Variants in YBX1 observed in about 807,000 individuals in gnomAD.
YBX1 encodes Y-box-binding protein 1.
YBX1 carries 3 observed loss-of-function variants against 41.4 expected under a neutral mutation model. The ratio of observed to expected loss-of-function variants is 0.07; its 90% CI spans 0.03 to 0.19. The LOEUF is 0.19. YBX1 is among the 10% of genes least tolerant of loss of function. YBX1 has a pLI of 1.00. For missense variants in YBX1, 274 were observed against 462.8 expected, an observed-to-expected ratio of 0.59 and a Z score of 3.74; for synonymous variants, 133 against 165.8, an observed-to-expected ratio of 0.80 and a Z score of 1.52.
intron 2 of YBX1, among the ~76,000 whole-genome samples, chr1:42,691,571 C>G (rs1650330399): frequency 6.6e-6 from 1 of 152,098 alleles, no homozygotes; most frequent in Non-Finnish European, 1.5e-5. Flanking sequence ...CCTGTTGTAA[C>G]TACATTAGAA....
In YBX1 at chr1:42,683,449, A is replaced by C. The variant is rs932329753; in HGVS notation, c.213A>C (p.Gly71=). 2 of 1,613,790 alleles carry C rather than the reference A, an allele frequency of 1.2e-6. No individual in the cohort carries two copies. Among genetic ancestry groups the C allele is most frequent in the South Asian group, 2.2e-5 (2 of 91,066 alleles). The change falls in exon 2 of 8, where the codon GGA becomes GGC. Residue 71 remains glycine, a synonymous_variant. Coordinates refer to ENST00000321358, the MANE Select transcript of YBX1 (RefSeq NM_004559.5). The part of the protein sequence containing the change: ...GTVKWFNVRN[G]YGFINRNDTK... ...TAAAATGGTTCAATGTAAGGAACGG[A>C]TATGGTTTCATCAACAGGTGAGCTG... is the stretch of plus-strand genomic sequence containing the variant.
Position 42,700,826 on chromosome 1 carries a change from A to G in YBX1, c.786A>G (p.Glu262=), listed in dbSNP as rs1330316106. The part of the protein sequence containing the change: ...QRQPREDGNE[E]DKENQGDETQ... ...AGCCTAGAGAGGACGGCAATGAAGA[A>G]GATAAAGAAAATCAAGGAGATGAGA... Residue 262 remains glutamate, a synonymous_variant, in exon 7 of 8, where the codon GAA becomes GAG. Coordinates refer to ENST00000321358, the MANE Select transcript of YBX1 (RefSeq NM_004559.5). 6.2e-7 allele frequency: 1 copy of G among 1,612,662 alleles called. No individual in the cohort carries two copies. Among genetic ancestry groups the G allele is most frequent in the Admixed American group, 1.7e-5 (1 of 59,994 alleles).
At chr1:42,683,567 T>A in intron 2 of YBX1, 101 bp downstream of exon 2, 1 of 1,353,112 alleles carries the variant, frequency 7.4e-7, no homozygotes. Flanking sequence ...AGCTCTGTTC[T>A]GAAAGGCGTT....
chr1:42,684,437 C>T (rs889678634), intron 2 of YBX1, among the ~76,000 whole-genome samples: 2 of 152,220 alleles, frequency 1.3e-5, no homozygotes, highest in Non-Finnish European at 2.9e-5. Context: ...CATTGTCTTG[C>T]TTGCTTACTG....
chr1:42,687,528 C>T (rs898833602), intron 2 of YBX1, among the ~76,000 whole-genome samples: 5 of 152,248 alleles, frequency 3.3e-5, no homozygotes, highest in African/African-American at 9.6e-5. Context: ...GTGATCCACC[C>T]GCCTAGGCCT....
rs951005795 is a variant in YBX1, at chr1:42,703,637, G to A, written c.*1688G>A. Among the ~76,000 whole-genome samples, 9 of 152,126 alleles carry A rather than the reference G, an allele frequency of 5.9e-5. No homozygotes were observed. The highest frequency in any genetic ancestry group is 2.0e-4 in the Admixed American group (3 of 15,272). On this transcript the variant is annotated 3_prime_UTR_variant, in exon 8 of 8. Coordinates refer to ENST00000321358, the MANE Select transcript of YBX1 (RefSeq NM_004559.5). ...TAAACTGTTACTTACAACTGCAGAC[G>A]CACACAGTCCCTGACTTAAACAGTG...
chr1:42,692,891 A>C (rs1304419656), intron 2 of YBX1, among the ~76,000 whole-genome samples: 1 of 152,160 alleles, frequency 6.6e-6, no homozygotes, highest in East Asian at 1.9e-4. Flanking sequence ...CTTTTTATAC[A>C]TGGCTCCGTG....
rs1650058516 is a variant in YBX1, at chr1:42,682,547, A to T, written c.-19A>T. 1 of 1,450,362 alleles carries T rather than the reference A, an allele frequency of 6.9e-7. No individual in the cohort carries two copies. The highest frequency in any genetic ancestry group is 2.6e-5 in the Admixed American group (1 of 38,394). 89.8% of individuals were successfully genotyped at this position (1,450,362 alleles called of 1,614,324 possible). ...AGCCGCAGCTGCCGCAGCCGGCCCCAGTCACCATCACCGCAACCATGAGCA... is the reference window on the plus strand; with the variant it reads ...AGCCGCAGCTGCCGCAGCCGGCCCCTGTCACCATCACCGCAACCATGAGCA... On this transcript the variant is annotated 5_prime_UTR_variant, in exon 1 of 8. Transcript: ENST00000321358.
intron 6 of YBX1, among the ~76,000 whole-genome samples, 153 bp downstream of exon 6, chr1:42,697,415 T>G (rs1473757086): frequency 6.6e-6 from 1 of 152,230 alleles, no homozygotes; most frequent in Non-Finnish European, 1.5e-5. Flanking sequence ...TAAAAACAGC[T>G]TGTATAGATG....
intron 1 of YBX1, 136 bp from the exon 2 acceptor site, chr1:42,683,267 C>A: frequency 1.9e-6 from 2 of 1,031,798 alleles, no homozygotes; most frequent in Non-Finnish European, 3.0e-6. Flanking sequence ...CGTGGCCCCG[C>A]ACCCGGGCGG....
At chr1:42,693,569 A>G (rs1180531733) in intron 3 of YBX1, 46 bp downstream of exon 3, 3 of 1,603,332 alleles carry the variant, frequency 1.9e-6, no homozygotes, top group Middle Eastern at 1.7e-4. Flanking sequence ...AAGGATTGTA[A>G]GAAGAAAAGG....
intron 2 of YBX1, among the ~76,000 whole-genome samples, chr1:42,684,708 A>G (rs183931044): frequency 6.6e-6 from 1 of 152,292 alleles, no homozygotes; most frequent in Admixed American, 6.5e-5. Flanking sequence ...GGCTGGCCGA[A>G]ACTACGTTTT....
chr1:42,693,163 G>A (rs77582702), intron 2 of YBX1, among the ~76,000 whole-genome samples: 2,764 of 152,214 alleles, frequency 0.018, 94 homozygotes, highest in African/African-American at 0.064. Context: ...AGAGGAGGGT[G>A]TGCTAGAACA....
At chr1:42,685,205 A>G (rs773418446) in intron 2 of YBX1, among the ~76,000 whole-genome samples, 6 of 152,234 alleles carry the variant, frequency 3.9e-5, no homozygotes, top group Non-Finnish European at 8.8e-5. Flanking sequence ...TTTGTCCAGA[A>G]TAAGAGTAAT....
At chr1:42,690,658 C>A (rs1452085892) in intron 2 of YBX1, among the ~76,000 whole-genome samples, 4 of 152,130 alleles carry the variant, frequency 2.6e-5, no homozygotes, top group African/African-American at 9.7e-5. Context: ...CCTGATTGCC[C>A]CAGCTTTAGC....
intron 2 of YBX1, among the ~76,000 whole-genome samples, chr1:42,693,097 C>G (rs867664887): frequency 1.3e-5 from 2 of 152,012 alleles, no homozygotes; most frequent in African/African-American, 2.4e-5. Flanking sequence ...TTGGGAGATG[C>G]AGGATAAGGT....
chr1:42,701,909 C>T (rs574123224), intron 7 of YBX1, 72 bp from the exon 8 acceptor site: 46 of 152,682 alleles, frequency 3.0e-4, no homozygotes, highest in Admixed American at 1.2e-3. Flanking sequence ...GTAATGTAAA[C>T]TAGGGCATGT....
chr1:42,683,472 C>G lies in YBX1; in HGVS notation c.230+6C>G. The G allele has an allele frequency of 6.2e-7, 1 of 1,612,940 alleles. No individual in the cohort carries two copies. The highest frequency in any genetic ancestry group is 8.5e-7 in the Non-Finnish European group (1 of 1,180,006). ...GGATATGGTTTCATCAACAGGTGAGCTGCCGGGCTCTGAAGCCTCCATCCC... is the reference window on the plus strand; with the variant it reads ...GGATATGGTTTCATCAACAGGTGAGGTGCCGGGCTCTGAAGCCTCCATCCC... On this transcript the variant is annotated splice_donor_region_variant and intron_variant, in intron 2 of 7. Transcript: ENST00000321358.
chr1:42,700,679 G>A, intron 6 of YBX1, 102 bp from the exon 7 acceptor site: 1 of 1,117,564 alleles, frequency 8.9e-7, no homozygotes, highest in Non-Finnish European at 1.3e-6. Flanking sequence ...ATACAGAATG[G>A]GCCAGACATG....
Sources: allele counts gnomAD v4.1 joint callset (sites outside exome capture counted in the v4.1 genomes callset), GRCh38; gene constraint gnomAD v4.1.1; transcripts MANE v1.5; gene names NCBI Gene and HGNC (gene_info 2026-07-23, HGNC 2026-07-21).